Variants in MORC2 observed in about 807,000 individuals in gnomAD.
The protein encoded by MORC2 is ATPase MORC2.
Under a neutral mutation model 136.0 loss-of-function variants are expected in MORC2, and 30 were observed. The observed-to-expected ratio is 0.22, with a 90% CI of 0.17 to 0.30. The LOEUF (loss-of-function observed/expected upper bound fraction) is 0.30. Among genes scored for constraint, MORC2 ranks in the 10% least tolerant of loss-of-function variants. The probability of loss-of-function intolerance (pLI) is 1.00; values close to 1 mark genes in which losing one functional copy is unlikely to be tolerated. For missense variants in MORC2, 922 were observed against 1,333.1 expected (o/e 0.69, Z 4.80); for synonymous variants, 439 against 487.0 (o/e 0.90, Z 1.30).
intron 24 of MORC2, among the ~76,000 whole-genome samples, chr22:30,931,303 T>A (rs897725854): frequency 6.6e-6 from 1 of 152,244 alleles, no homozygotes; most frequent in African/African-American, 2.4e-5. Flanking sequence ...TTCCTTTACA[T>A]ACTGTCTGTG....
rs532346574 is a variant in MORC2, at chr22:30,934,951, G to T, written c.2023C>A (p.Arg675=). Residue 675 remains arginine, a synonymous_variant, in exon 19 of 26, where the codon CGA becomes AGA. Transcript: ENST00000397641. This position sits in a 1 kb window ranked among gnomAD's most constrained non-coding sequence, Gnocchi z 4.4. The part of the protein sequence containing the change: ...SRLLQPPEAP[R]KPANTLVKTA... ...TTGACGAGAGTGTTGGCAGGCTTTC[G>T]GGGTGCCTCAGGTGGCTGGAGCAGC... 4 of 1,614,082 alleles carry T rather than the reference G, an allele frequency of 2.5e-6. No homozygotes were observed. The Admixed American group carries it at 6.7e-5, about 27-fold the overall frequency.
chr22:30,954,774 A>G (rs7291077), intron 3 of MORC2, among the ~76,000 whole-genome samples: 84,067 of 151,856 alleles, frequency 0.55, 23,715 homozygotes, highest in East Asian at 0.78. Context: ...AGACTTGACC[A>G]TTACGATTTG....
intron 3 of MORC2, among the ~76,000 whole-genome samples, chr22:30,954,383 G>A (rs1449949151): frequency 1.3e-5 from 2 of 152,110 alleles, no homozygotes; most frequent in Non-Finnish European, 2.9e-5. Context: ...CAATCTCCTG[G>A]TACTTGAAGT....
At chr22:30,955,753 A>G (rs755590961) in intron 3 of MORC2, among the ~76,000 whole-genome samples, 8 of 152,120 alleles carry the variant, frequency 5.3e-5, no homozygotes, top group Non-Finnish European at 8.8e-5. Flanking sequence ...TCACGCCTGT[A>G]ATCCCAGCAC....
chr22:30,931,140 C>T (rs970230792), intron 24 of MORC2, among the ~76,000 whole-genome samples: 5 of 152,170 alleles, frequency 3.3e-5, no homozygotes, highest in African/African-American at 2.4e-5. Context: ...CCTGCCTCCT[C>T]GCCCCTGCAT....
Position 30,932,384 on chromosome 22 carries a change from G to A in MORC2, c.2816C>T (p.Ser939Leu). The stretch of plus-strand genomic sequence containing the variant: ...CAGAGGAAAAGATATTAGCTCATCT[G>A]AATTCATAGCACTCAGCTGCTTCTT... ...ISKKQLSAMN[S>L]DELISFPLKE... Residue 939 changes from serine to leucine, a missense_variant, in exon 24 of 26, where the codon TCA becomes TTA. This residue lies in a region of MORC2 where 263 missense variants were observed against 388.3 expected (regional missense o/e 0.68). Transcript: ENST00000397641. This position sits in a 1 kb window ranked among gnomAD's most constrained non-coding sequence, Gnocchi z 4.4. 1.2e-6 allele frequency: 2 copies of A among 1,614,034 alleles called. No homozygotes were observed. The highest frequency in any genetic ancestry group is 1.7e-6 in the Non-Finnish European group (2 of 1,179,920).
intron 3 of MORC2, among the ~76,000 whole-genome samples, chr22:30,954,739 C>T (rs2040940732): frequency 6.6e-6 from 1 of 152,150 alleles, no homozygotes; most frequent in African/African-American, 2.4e-5. Context: ...CAGAGATGAT[C>T]TTTTTTAAAA....
Position 30,941,337 on chromosome 22 carries a change from G to T in MORC2, c.824+96C>A. On this transcript the variant is annotated intron_variant, in intron 9 of 25. Coordinates refer to ENST00000397641, the MANE Select transcript of MORC2 (RefSeq NM_001303256.3). The surrounding 1 kb of genome is among the most constrained non-coding windows in gnomAD (Gnocchi z 4.6). Reference sequence around the variant, plus strand: ...CCCAAACGTAGTCAGCACTGCCAGAGCCTCTTATACAGCATCCCTCTAACA... The same window carrying T: ...CCCAAACGTAGTCAGCACTGCCAGATCCTCTTATACAGCATCCCTCTAACA... The T allele has an allele frequency of 6.6e-7, 1 of 1,512,120 alleles. No homozygotes were observed. 93.7% of individuals were successfully genotyped at this position (1,512,120 alleles called of 1,614,324 possible).
rs774384535 is a variant in MORC2, at chr22:30,932,878, T to G, written c.2522+11A>C. ...CGAGGAACCACTGCTCCTCCCTGAT[T>G]GGGGCATTACCAGCGGTCTCTTGGT... On this transcript the variant is annotated intron_variant, in intron 22 of 25. Coordinates refer to ENST00000397641, the MANE Select transcript of MORC2 (RefSeq NM_001303256.3). The surrounding 1 kb of genome is among the most constrained non-coding windows in gnomAD (Gnocchi z 4.4). 39 of 1,613,966 alleles carry G rather than the reference T, an allele frequency of 2.4e-5. No individual in the cohort carries two copies. In the South Asian group the frequency reaches 3.0e-4, roughly 12 times the overall value.
intron 2 of MORC2, among the ~76,000 whole-genome samples, chr22:30,957,379 A>G (rs1258781095): frequency 6.6e-6 from 1 of 152,250 alleles, no homozygotes; most frequent in Admixed American, 6.5e-5. Context: ...GGCTGAAATC[A>G]TACAGATTCA....
chr22:30,935,253 T>C lies in MORC2; in HGVS notation c.1807A>G (p.Thr603Ala). The C allele has an allele frequency of 1.2e-6, 2 of 1,613,594 alleles. No individual in the cohort carries two copies. The highest frequency in any genetic ancestry group is 1.3e-5 in the African/African-American group (1 of 75,016). ...LPLEVTTRPSTEEPVRRPQRP... is the reference protein window; with the variant it reads ...LPLEVTTRPSAEEPVRRPQRP... ...CCCAGGCCCCTGGACTTCACCTCAG[T>C]GGAAGGTCTGGTGGTCACTTCCAAG... Residue 603 changes from threonine to alanine, a missense_variant, in exon 18 of 26, where the codon ACT (threonine) becomes GCT (alanine). Physicochemically the swap from Thr to Ala is moderately conservative, Grantham distance 58. Transcript: ENST00000397641.
intron 24 of MORC2, 103 bp from the exon 25 acceptor site, chr22:30,928,310 C>T: frequency 8.7e-7 from 1 of 1,154,342 alleles, no homozygotes; most frequent in Non-Finnish European, 1.3e-6. Context: ...CCCAAGGATG[C>T]CTGGTCTGAA....
At position 30,932,297 on chromosome 22, in the gene MORC2, C is replaced by G. The variant is rs1018910317; in HGVS notation, c.2841+62G>C. ...ACAATCATAATCACAACAGTTACAA[C>G]AAATGCAGGGGCAGGGGTGGGGGAA... On this transcript the variant is annotated intron_variant, in intron 24 of 25. Transcript: ENST00000397641. This position sits in a 1 kb window ranked among gnomAD's most constrained non-coding sequence, Gnocchi z 4.4. 2 of 1,375,154 alleles carry G rather than the reference C, an allele frequency of 1.5e-6. No individual in the cohort carries two copies. The highest frequency in any genetic ancestry group is 2.0e-6 in the Non-Finnish European group (2 of 983,092). 85.2% of individuals were successfully genotyped at this position (1,375,154 alleles called of 1,614,324 possible). A position where few individuals can be genotyped will look rare whatever the true frequency, so the allele number is the denominator to read the frequency against.
At position 30,932,524 on chromosome 22, in the gene MORC2, G is replaced by T; in HGVS notation, c.2747+21C>A. 1.9e-6 allele frequency: 3 copies of T among 1,613,622 alleles called. No homozygotes were observed. The highest frequency in any genetic ancestry group is 2.5e-6 in the Non-Finnish European group (3 of 1,179,598). ...AGAGCTGCTGCTGGCCCTGGGGTGG[G>T]AAGACAAAAGACACATGTACCGGAG... On this transcript the variant is annotated intron_variant, in intron 23 of 25. Coordinates refer to ENST00000397641, the MANE Select transcript of MORC2 (RefSeq NM_001303256.3). This position sits in a 1 kb window ranked among gnomAD's most constrained non-coding sequence, Gnocchi z 4.4.
intron 1 of MORC2, among the ~76,000 whole-genome samples, chr22:30,965,619 G>A (rs1440661752): frequency 6.6e-6 from 1 of 152,178 alleles, no homozygotes; most frequent in Non-Finnish European, 1.5e-5. Flanking sequence ...ACCCTCAAAT[G>A]TTCATGCAAG....
intron 3 of MORC2, among the ~76,000 whole-genome samples, chr22:30,954,767 C>T (rs1050215898): frequency 1.3e-5 from 2 of 152,174 alleles, no homozygotes; most frequent in African/African-American, 4.8e-5. Flanking sequence ...TCCAAGTAGA[C>T]TTGACCATTA....
chr22:30,933,410 C>T (rs1245162413), intron 21 of MORC2, 56 bp downstream of exon 21: 9 of 1,590,328 alleles, frequency 5.7e-6, no homozygotes, highest in Non-Finnish European at 7.7e-6. Context: ...AGGGGCTCCA[C>T]TTCCACTCCC....
intron 6 of MORC2, among the ~76,000 whole-genome samples, chr22:30,943,769 C>G (rs186823577): frequency 6.6e-6 from 1 of 152,220 alleles, no homozygotes; most frequent in East Asian, 1.9e-4. Context: ...GAGTCTTGCT[C>G]TTGTTGCCCA....
chr22:30,949,065 C>T (rs1281418201), intron 5 of MORC2, among the ~76,000 whole-genome samples: 1 of 152,236 alleles, frequency 6.6e-6, no homozygotes, highest in Non-Finnish European at 1.5e-5. Context: ...ATTCCATTTG[C>T]ACAAACTCCA....
Sources: allele counts gnomAD v4.1 joint callset (sites outside exome capture counted in the v4.1 genomes callset), GRCh38; gene constraint gnomAD v4.1.1; regional missense constraint gnomAD v4.1.1; non-coding constraint Gnocchi (gnomAD v3.1); transcripts MANE v1.5; gene names NCBI Gene and HGNC (gene_info 2026-07-23, HGNC 2026-07-21).